The following SPATA13 variants were observed in gnomAD, a reference collection of about 807,000 sequenced individuals.
The protein encoded by SPATA13 is spermatogenesis associated 13.
SPATA13 carries 50 observed loss-of-function variants against 104.0 expected under a neutral mutation model. The observed-to-expected ratio is 0.48, with a 90% confidence interval of 0.38 to 0.61. SPATA13 has a LOEUF of 0.61. SPATA13 is among the 20% of genes least tolerant of loss of function. The probability of loss-of-function intolerance (pLI) is 0.00; values close to 1 mark genes in which losing one functional copy is unlikely to be tolerated. For missense variants in SPATA13, 1,524 were observed against 1,690.6 expected (o/e 0.90, Z 1.73); for synonymous variants, 606 against 667.5 (o/e 0.91, Z 1.42).
At chr13:24,098,925 CAAAAAAAAA>C (rs61641076) in intron 3 of SPATA13, among the ~76,000 whole-genome samples, 2 of 79,520 alleles carry the variant, frequency 2.5e-5, no homozygotes, top group Non-Finnish European at 5.4e-5. Context: ...GACTCCATCT[CAAAAAAAAA>C]AAAAAAAAGA....
chr13:24,078,093 C>T (rs1879392154), intron 3 of SPATA13, among the ~76,000 whole-genome samples: 2 of 152,260 alleles, frequency 1.3e-5, no homozygotes, highest in Middle Eastern at 3.4e-3. Context: ...GCCTGCTCTC[C>T]TCCTGCACGT....
intron 1 of SPATA13, among the ~76,000 whole-genome samples, chr13:24,165,218 G>T (rs1481120100): frequency 6.6e-6 from 1 of 152,112 alleles, no homozygotes; most frequent in Non-Finnish European, 1.5e-5. Context: ...TAGTCTTTGT[G>T]GAATCACGAG....
rs1445668133 is a variant in SPATA13, at chr13:24,123,448, C to T, written c.-111-99371C>T. 15 of 1,483,594 alleles carry T rather than the reference C, an allele frequency of 1.0e-5. No individual in the cohort carries two copies. The Middle Eastern group carries it at 6.0e-4, about 59-fold the overall frequency. The allele number at this position is 1,483,594 out of a possible 1,614,324, so 91.9% of individuals were successfully genotyped here. ...TTCTGCAACATGCATTCCATCTGAT[C>T]GTTATAGATCTTTTTCTTCAGAAGT... On this transcript the variant is annotated intron_variant, in intron 3 of 14. Transcript: ENST00000424834.
intron 3 of SPATA13, among the ~76,000 whole-genome samples, chr13:24,105,295 A>G (rs1329754531): frequency 1.3e-5 from 2 of 151,502 alleles, no homozygotes; most frequent in Non-Finnish European, 2.9e-5. Flanking sequence ...GCTAATTTTT[A>G]TTTTTATTTT....
chr13:24,157,589 G>A (rs1341044126), upstream of SPATA13, among the ~76,000 whole-genome samples: 1 of 152,102 alleles, frequency 6.6e-6, no homozygotes, highest in Non-Finnish European at 1.5e-5. Context: ...CGTGAGCCAC[G>A]TGCCCGGCTG....
chr13:24,275,805 G>T (rs1476288608), intron 4 of SPATA13, among the ~76,000 whole-genome samples: 1 of 152,166 alleles, frequency 6.6e-6, no homozygotes, highest in East Asian at 1.9e-4. Flanking sequence ...GTGATGGCAC[G>T]CACCTGTAAT....
At chr13:24,285,805 C>G (rs1047597458) in intron 5 of SPATA13, among the ~76,000 whole-genome samples, 2 of 151,968 alleles carry the variant, frequency 1.3e-5, no homozygotes, top group African/African-American at 4.8e-5. Flanking sequence ...CTCAGCCTCC[C>G]GAGTAGCTGG....
chr13:24,114,615 C>T lies in SPATA13; in HGVS notation c.-112+96914C>T, dbSNP rs117236315. On this transcript the variant is annotated intron_variant, in intron 3 of 14. Transcript: ENST00000424834. ...TTTTGATTTTTTATTTTCGAAGGAG[C>T]TCAAGGTCAAACTCTCCTTAGTTTT... Among the ~76,000 whole-genome samples the T allele has an allele frequency of 7.2e-3, 1,090 of 151,982 alleles. 8 individuals carry two copies. Among genetic ancestry groups the T allele is most frequent in the Non-Finnish European group, 0.011 (730 of 67,956 alleles).
chr13:24,143,935 G>A (rs1881846360), intron 3 of SPATA13, among the ~76,000 whole-genome samples: 1 of 151,540 alleles, frequency 6.6e-6, no homozygotes, highest in African/African-American at 2.4e-5. Flanking sequence ...CCTATCTCAT[G>A]TGGTTGCCCT....
intron 3 of SPATA13, among the ~76,000 whole-genome samples, chr13:24,042,773 G>T (rs4770559): frequency 0.97 from 147,111 of 152,284 alleles, 71,268 homozygotes; most frequent in East Asian, 1. Flanking sequence ...CTTGGTCAGC[G>T]GTGGAGCCCA....
chr13:24,043,239 GA>G (rs1227447993), intron 3 of SPATA13, among the ~76,000 whole-genome samples: 14 of 152,324 alleles, frequency 9.2e-5, no homozygotes, highest in African/African-American at 3.4e-4. Context: ...TCTTGGCTAT[GA>G]CAAACATGCA....
At chr13:24,063,144 A>G (rs1278522535) in intron 3 of SPATA13, among the ~76,000 whole-genome samples, 3 of 151,934 alleles carry the variant, frequency 2.0e-5, no homozygotes, top group Non-Finnish European at 4.4e-5. Context: ...AGTGCTCACC[A>G]TGCACTGGCC....
At chr13:24,054,565 A>G (rs78392586) in intron 3 of SPATA13, among the ~76,000 whole-genome samples, 22,687 of 152,184 alleles carry the variant, frequency 0.15, 1,753 homozygotes, top group African/African-American at 0.16. Flanking sequence ...TAACTTTGAC[A>G]TGTAGCAGCA....
intron 3 of SPATA13, among the ~76,000 whole-genome samples, chr13:24,097,538 A>C (rs569341995): frequency 8.4e-4 from 128 of 152,256 alleles, no homozygotes; most frequent in African/African-American, 2.7e-3. Context: ...CCTAGTTTCT[A>C]AGTCCTTTGA....
chr13:24,010,344 A>G (rs1876413365), intron 2 of SPATA13, among the ~76,000 whole-genome samples: 3 of 152,118 alleles, frequency 2.0e-5, no homozygotes, highest in East Asian at 3.9e-4. Flanking sequence ...TTTGTTCCGC[A>G]TCTGTGAAGA....
chr13:24,166,540 G>A (rs918094334), intron 1 of SPATA13, among the ~76,000 whole-genome samples: 9 of 152,132 alleles, frequency 5.9e-5, no homozygotes, highest in African/African-American at 1.9e-4. Context: ...ATAGCCCCAA[G>A]CACATCAGTC....
chr13:24,138,761 T>C (rs1319711274), intron 3 of SPATA13, among the ~76,000 whole-genome samples: 1 of 149,184 alleles, frequency 6.7e-6, no homozygotes, highest in Non-Finnish European at 1.5e-5. Flanking sequence ...TTTTTTTTTT[T>C]TTTTTTTTTT....
chr13:24,077,073 G>A (rs528336995), intron 3 of SPATA13, among the ~76,000 whole-genome samples: 2 of 151,858 alleles, frequency 1.3e-5, no homozygotes, highest in Non-Finnish European at 2.9e-5. Flanking sequence ...ACGATCTCTG[G>A]TGGCTTAGAA....
At chr13:24,184,927 C>A (rs778010763) in intron 1 of SPATA13, among the ~76,000 whole-genome samples, 1 of 152,168 alleles carries the variant, frequency 6.6e-6, no homozygotes, top group Admixed American at 6.6e-5. Context: ...CGGAAAATGA[C>A]CACTTCTTTA....
Sources: allele counts gnomAD v4.1 joint callset (sites outside exome capture counted in the v4.1 genomes callset), GRCh38; gene constraint gnomAD v4.1.1; transcripts MANE v1.5; gene names NCBI Gene and HGNC (gene_info 2026-07-23, HGNC 2026-07-21).